MED1: variants seen among roughly 807,000 people sequenced by gnomAD.
MED1 encodes mediator complex subunit 1.
In MED1, 17 loss-of-function variants were observed where a neutral mutation model predicts 121.3. The ratio of observed to expected loss-of-function variants is 0.14; its 90% CI spans 0.10 to 0.21. The LOEUF is 0.21. MED1 is among the 10% of genes least tolerant of loss of function. MED1 has a pLI of 1.00. For synonymous variants in MED1, 661 were observed against 694.4 expected, an observed-to-expected ratio of 0.95 and a Z score of 0.76; for missense variants, 1,558 against 1,919.4, an observed-to-expected ratio of 0.81 and a Z score of 3.52.
chr17:39,449,746 G>A (rs1389080896), intron 1 of MED1, among the ~76,000 whole-genome samples: 4 of 150,738 alleles, frequency 2.7e-5, no homozygotes, highest in African/African-American at 9.8e-5. Context: ...CTAACCTCAG[G>A]TGATCCGCCC....
intron 3 of MED1, among the ~76,000 whole-genome samples, chr17:39,443,176 A>G (rs367834677): frequency 8.6e-5 from 13 of 151,144 alleles, no homozygotes; most frequent in East Asian, 5.9e-4. Flanking sequence ...TAATTTTTGT[A>G]TTTTTAGTAG....
intron 9 of MED1, among the ~76,000 whole-genome samples, chr17:39,429,702 TAAAAAAAAAAAAAAA>T (rs757034804): frequency 6.9e-4 from 34 of 48,968 alleles, no homozygotes; most frequent in African/African-American, 3.4e-3. Flanking sequence ...CCTAAATGCC[TAAAAAAAAAAAAAAA>T]AAAAAAAAAA....
chr17:39,434,939 G>A (rs1567649741), intron 6 of MED1, among the ~76,000 whole-genome samples: 1 of 152,124 alleles, frequency 6.6e-6, no homozygotes, highest in African/African-American at 2.4e-5. Context: ...GCCAAGGTGG[G>A]TGGATCATGA....
In MED1 at chr17:39,451,070, G is replaced by A. The variant is rs183064013; in HGVS notation, c.-8C>T. ...TTCCCCCTGAGCTTTCATCCTGAAG[G>A]CGAGGAGAAGCTAGATCCGCCACAA... On this transcript the variant is annotated 5_prime_UTR_variant, in exon 1 of 17. Transcript: ENST00000300651. The A allele has an allele frequency of 5.0e-6, 8 of 1,610,594 alleles. No individual in the cohort carries two copies. In the Admixed American group the frequency reaches 5.0e-5, roughly 10 times the overall value.
In MED1 at chr17:39,440,521, A is replaced by G. The variant is rs765684486; in HGVS notation, c.267-3T>C. The G allele has an allele frequency of 6.2e-7, 1 of 1,612,414 alleles. No individual in the cohort carries two copies. The highest frequency in any genetic ancestry group is 1.1e-5 in the South Asian group (1 of 90,598). On this transcript the variant is annotated splice_region_variant and splice_polypyrimidine_tract_variant and intron_variant, in intron 4 of 16. Transcript: ENST00000300651. The surrounding 1 kb of genome is among the most constrained non-coding windows in gnomAD (Gnocchi z 4.1). Reference sequence around the variant, plus strand: ...TGGCACTGAGATGAGAGCCCAGTCTAGCAGGAACAAATCAAAACAAAAATT... The same window carrying G: ...TGGCACTGAGATGAGAGCCCAGTCTGGCAGGAACAAATCAAAACAAAAATT...
rs1222733735 is a variant in MED1 at position 39,427,736 on chromosome 17, T to C, written c.704A>G (p.Lys235Arg). The C allele has an allele frequency of 2.5e-6, 4 of 1,605,520 alleles. No individual in the cohort carries two copies. The highest frequency in any genetic ancestry group is 2.2e-5 in the East Asian group (1 of 44,802). ...ATGCAAAATGATGGGAGATGCAGTC[T>C]TGTCATCCAGTAGGTCAGAAGGAGA... ...YVSPSDLLDDKTASPIILHEN... is the reference protein window; with the variant it reads ...YVSPSDLLDDRTASPIILHEN... Residue 235 changes from lysine (K) to arginine (R), a missense_variant, in exon 10 of 17, where the codon AAG (lysine) becomes AGG (arginine). By Grantham distance (26) the Lys-to-Arg change is conservative (BLOSUM62 2). Coordinates refer to ENST00000300651, the MANE Select transcript of MED1 (RefSeq NM_004774.4).
chr17:39,412,680 G>A (rs560652352), intron 16 of MED1, among the ~76,000 whole-genome samples: 1 of 151,328 alleles, frequency 6.6e-6, no homozygotes, highest in East Asian at 1.9e-4. Flanking sequence ...TGGGATTACA[G>A]AAGCCCGCCA....
chr17:39,419,494 G>A (rs2048441135), intron 14 of MED1, among the ~76,000 whole-genome samples: 3 of 150,612 alleles, frequency 2.0e-5, no homozygotes, highest in Non-Finnish European at 2.9e-5. Flanking sequence ...TGCAACCCCC[G>A]CCTCCCGGGT....
At position 39,447,825 on chromosome 17, in the gene MED1, T is replaced by C. The variant is rs779213309; in HGVS notation, c.105A>G (p.Glu35=). The C allele has an allele frequency of 3.1e-6, 5 of 1,613,472 alleles. No homozygotes were observed. Among genetic ancestry groups the C allele is most frequent in the Non-Finnish European group, 4.2e-6 (5 of 1,179,618 alleles). ...AKFNQNRPWS[E]TIKLVRQVME... is the part of the protein sequence containing the mutation. ...TGACTTGACGCACAAGCTTAATGGT[T>C]TCACTCCAGGGTCTATTTTGGTTAA... The change falls in exon 2 of 17, where the codon GAA becomes GAG. Residue 35 remains glutamate (E), a synonymous_variant. Coordinates refer to ENST00000300651, the MANE Select transcript of MED1 (RefSeq NM_004774.4).
chr17:39,405,403 C>T lies in MED1; in HGVS notation c.*2072G>A. On this transcript the variant is annotated 3_prime_UTR_variant, in exon 17 of 17. Coordinates refer to ENST00000300651, the MANE Select transcript of MED1 (RefSeq NM_004774.4). ...GGGGAGCTGAGCCCATGATACTATT[C>T]AGTACATTCCCCCTAAGATTCTCCC... 1.3e-6 allele frequency: 2 copies of T among 1,495,980 alleles called. No homozygotes were observed. The highest frequency in any genetic ancestry group is 1.8e-6 in the Non-Finnish European group (2 of 1,116,362). 92.7% of individuals were successfully genotyped at this position (1,495,980 alleles called of 1,614,324 possible).
At chr17:39,442,934 C>A in intron 3 of MED1, among the ~76,000 whole-genome samples, 1 of 144,486 alleles carries the variant, frequency 6.9e-6, no homozygotes, top group Non-Finnish European at 1.5e-5. Context: ...AAAAAAAGTC[C>A]ATCTTCTTAT....
intron 1 of MED1, among the ~76,000 whole-genome samples, chr17:39,448,497 C>G (rs9890407): frequency 0.026 from 3,845 of 148,864 alleles, 157 homozygotes; most frequent in African/African-American, 0.09. Context: ...CAGTGATGAG[C>G]CTTGATCACA....
rs1222432509 is a variant in MED1, at chr17:39,448,707, C to T, written c.26-803G>A. Among the ~76,000 whole-genome samples, 5 of 152,000 alleles carry T rather than the reference C, an allele frequency of 3.3e-5. No homozygotes were observed. In the South Asian group the frequency reaches 6.2e-4, roughly 19 times the overall value. On this transcript the variant is annotated intron_variant, in intron 1 of 16. Coordinates refer to ENST00000300651, the MANE Select transcript of MED1 (RefSeq NM_004774.4). ...GGTGGATCACCTGAGGTTGGGAATT[C>T]GAGACCAGCCTGACCAACACGGAGA...
chr17:39,417,106 A>C (rs919052470), intron 14 of MED1, among the ~76,000 whole-genome samples: 1 of 152,006 alleles, frequency 6.6e-6, no homozygotes, highest in Non-Finnish European at 1.5e-5. Context: ...CGAGGCAGGC[A>C]GACCACTGAG....
chr17:39,414,521 G>C (rs1406889294), intron 16 of MED1, among the ~76,000 whole-genome samples: 1 of 150,800 alleles, frequency 6.6e-6, no homozygotes, highest in African/African-American at 2.4e-5. Flanking sequence ...ATTTTTAATA[G>C]AGACGGGGTT....
In MED1 at chr17:39,440,061, G is replaced by A. The variant is rs897446509; in HGVS notation, c.399+325C>T. ...GAGAAAGAGAAAGAAAGAAAAGAAAGAAAAGAAAAAGAAAGCAAGCAAGCA... is the reference window on the plus strand; with the variant it reads ...GAGAAAGAGAAAGAAAGAAAAGAAAAAAAAGAAAAAGAAAGCAAGCAAGCA... On this transcript the variant is annotated intron_variant, in intron 5 of 16. Coordinates refer to ENST00000300651, the MANE Select transcript of MED1 (RefSeq NM_004774.4). The surrounding 1 kb of genome is among the most constrained non-coding windows in gnomAD (Gnocchi z 4.1). Among the ~76,000 whole-genome samples the A allele has an allele frequency of 1.4e-5, 2 of 142,986 alleles. No homozygotes were observed. Among genetic ancestry groups the A allele is most frequent in the Non-Finnish European group, 3.1e-5 (2 of 64,928 alleles). The allele number at this position is 142,986 out of a possible 152,430, so 93.8% of individuals were successfully genotyped here.
intron 14 of MED1, 108 bp from the exon 15 acceptor site, chr17:39,415,447 G>T: frequency 1.1e-6 from 1 of 883,834 alleles, no homozygotes; most frequent in East Asian, 2.8e-5. Flanking sequence ...GCCAAGGCAG[G>T]TGGATTACCT....
chr17:39,424,454 G>A (rs2048495345), intron 11 of MED1, among the ~76,000 whole-genome samples, 173 bp downstream of exon 11: 1 of 152,158 alleles, frequency 6.6e-6, no homozygotes, highest in Non-Finnish European at 1.5e-5. Flanking sequence ...TGTTCTACGA[G>A]CCGACTTTGG....
intron 1 of MED1, among the ~76,000 whole-genome samples, chr17:39,449,394 T>C (rs1248897100): frequency 2.0e-5 from 3 of 152,184 alleles, no homozygotes; most frequent in Non-Finnish European, 2.9e-5. Flanking sequence ...TTGTCTAGGC[T>C]GGTCTCCAAC....
Sources: allele counts gnomAD v4.1 joint callset (sites outside exome capture counted in the v4.1 genomes callset), GRCh38; gene constraint gnomAD v4.1.1; non-coding constraint Gnocchi (gnomAD v3.1); transcripts MANE v1.5; gene names NCBI Gene and HGNC (gene_info 2026-07-23, HGNC 2026-07-21).